Variants in HS6ST2 observed in about 807,000 individuals in gnomAD.
HS6ST2 encodes heparan-sulfate 6-O-sulfotransferase 2.
HS6ST2 carries 17 observed loss-of-function variants against 33.0 expected under a neutral mutation model. The observed-to-expected ratio is 0.52, with a 90% CI of 0.35 to 0.77. The LOEUF is 0.77. Among genes scored for constraint, HS6ST2 ranks in the 30% least tolerant of loss-of-function variants. HS6ST2 has a pLI of 0.01. For synonymous variants in HS6ST2, 248 were observed against 237.1 expected, an observed-to-expected ratio of 1.05 and a Z score of -0.42; for missense variants, 519 against 551.7, an observed-to-expected ratio of 0.94 and a Z score of 0.59.
chrX:132,698,212 C>T (rs1569481854), intron 3 of HS6ST2, among the ~76,000 whole-genome samples: 1 of 112,035 alleles, frequency 8.9e-6, no homozygotes, highest in Admixed American at 9.5e-5. Flanking sequence ...TACAAAATAG[C>T]ATAAATGAAA....
rs1201557146 is a variant in HS6ST2 at position 132,627,903 on chromosome X, T to TG, written c.*319dup. 5.0e-5 allele frequency: 8 copies of TG among 159,531 alleles called. No homozygotes were observed. The highest frequency in any genetic ancestry group is 8.4e-5 in the Non-Finnish European group (7 of 83,374). 13.1% of individuals were successfully genotyped at this position (159,531 alleles called of 1,213,427 possible). A position where few individuals can be genotyped will look rare whatever the true frequency, so the allele number is the denominator to read the frequency against. ...CCATAAGTTAAATGGTCACATTTTA[T>TG]GTTTTCACTTTGTCTCCATAACTAA... On this transcript the variant is annotated 3_prime_UTR_variant, in exon 5 of 5. Coordinates refer to ENST00000370833, the MANE Select transcript of HS6ST2 (RefSeq NM_001394073.1).
intron 4 of HS6ST2, among the ~76,000 whole-genome samples, chrX:132,655,419 A>C (rs1412035198): frequency 8.9e-6 from 1 of 112,035 alleles, no homozygotes; most frequent in African/African-American, 3.2e-5. Flanking sequence ...CTCAGTGAAC[A>C]TTCAAGGAAT....
intron 4 of HS6ST2, among the ~76,000 whole-genome samples, chrX:132,648,562 G>T (rs2063665081): frequency 9.3e-6 from 1 of 107,343 alleles, no homozygotes; most frequent in African/African-American, 3.4e-5. Context: ...AAAAAGGTTG[G>T]GTGTAAAAAT....
At chrX:132,921,253 C>T (rs1241175709) in intron 2 of HS6ST2, among the ~76,000 whole-genome samples, 2 of 111,927 alleles carry the variant, frequency 1.8e-5, no homozygotes, top group Non-Finnish European at 3.8e-5. Flanking sequence ...CAGCATCAGC[C>T]TCACCTGGGA....
At chrX:132,783,129 G>T (rs1437324564) in intron 2 of HS6ST2, among the ~76,000 whole-genome samples, 2 of 111,770 alleles carry the variant, frequency 1.8e-5, no homozygotes, top group Non-Finnish European at 3.8e-5. Context: ...TCATGTCAGT[G>T]ACCTGGGCCT....
chrX:132,659,635 C>G (rs191382750), intron 4 of HS6ST2, among the ~76,000 whole-genome samples: 55 of 111,783 alleles, frequency 4.9e-4, no homozygotes, highest in Non-Finnish European at 3.8e-5. Context: ...AAAGTCTAGT[C>G]TAATATAGTC....
At chrX:132,693,808 T>C (rs1479453988) in intron 3 of HS6ST2, among the ~76,000 whole-genome samples, 1 of 111,065 alleles carries the variant, frequency 9.0e-6, no homozygotes, top group African/African-American at 3.3e-5. Flanking sequence ...CAAGCAGAGA[T>C]TGAACTTTCT....
At chrX:132,632,488 G>A (rs1408806497) in intron 4 of HS6ST2, among the ~76,000 whole-genome samples, 2 of 110,411 alleles carry the variant, frequency 1.8e-5, no homozygotes, top group Non-Finnish European at 3.8e-5. Flanking sequence ...AAGCACGCTG[G>A]GGAATGCAGC....
intron 4 of HS6ST2, among the ~76,000 whole-genome samples, chrX:132,658,819 TC>T (rs1469191667): frequency 8.9e-6 from 1 of 112,310 alleles, no homozygotes; most frequent in Non-Finnish European, 1.9e-5. Context: ...CAGACTTGCC[TC>T]CCTTCTTCCT....
intron 4 of HS6ST2, among the ~76,000 whole-genome samples, chrX:132,634,334 C>T (rs931119377): frequency 1.8e-5 from 2 of 111,921 alleles, no homozygotes; most frequent in Non-Finnish European, 3.8e-5. Flanking sequence ...CTGAATGAGG[C>T]CAGTTCAGCC....
At chrX:132,843,836 G>A (rs1401594025) in intron 2 of HS6ST2, among the ~76,000 whole-genome samples, 3 of 111,623 alleles carry the variant, frequency 2.7e-5, no homozygotes, top group Non-Finnish European at 5.6e-5. Flanking sequence ...AGTTTGGAAA[G>A]GCTCTTTTCC....
chrX:132,933,532 GAGAA>G (rs1371502809), intron 2 of HS6ST2, among the ~76,000 whole-genome samples: 1 of 110,608 alleles, frequency 9.0e-6, no homozygotes, highest in East Asian at 2.9e-4. Context: ...GTACCAGAAA[GAGAA>G]AGAAACAGAA....
chrX:132,944,896 A>C (rs1406861378), intron 2 of HS6ST2, among the ~76,000 whole-genome samples: 1 of 111,892 alleles, frequency 8.9e-6, no homozygotes, highest in Non-Finnish European at 1.9e-5. Flanking sequence ...AAAACCATAA[A>C]AACCCTAGAA....
At chrX:132,744,408 G>A (rs1165375428) in intron 2 of HS6ST2, among the ~76,000 whole-genome samples, 5 of 111,698 alleles carry the variant, frequency 4.5e-5, no homozygotes. Flanking sequence ...ACAGTATGAT[G>A]AGGAAGAAGA....
At chrX:132,939,593 C>T (rs1461871667) in intron 2 of HS6ST2, among the ~76,000 whole-genome samples, 1 of 111,276 alleles carries the variant, frequency 9.0e-6, no homozygotes, top group Non-Finnish European at 1.9e-5. Flanking sequence ...CCACCGCACT[C>T]CAGCCTGGCC....
At chrX:132,765,198 A>C (rs2064835548) in intron 2 of HS6ST2, among the ~76,000 whole-genome samples, 1 of 112,314 alleles carries the variant, frequency 8.9e-6, no homozygotes, top group African/African-American at 3.2e-5. Context: ...TTGCAGAACA[A>C]AATGCCTTCT....
intron 2 of HS6ST2, among the ~76,000 whole-genome samples, chrX:132,871,852 C>T (rs1404120653): frequency 9.0e-6 from 1 of 111,015 alleles, no homozygotes; most frequent in Non-Finnish European, 1.9e-5. Context: ...ATAAGTGCAG[C>T]AAACCACCAT....
chrX:132,954,218 T>C (rs1009636335), intron 2 of HS6ST2, among the ~76,000 whole-genome samples: 4 of 111,914 alleles, frequency 3.6e-5, no homozygotes, highest in African/African-American at 1.3e-4. Context: ...GGTTAGTGGC[T>C]GGCCTAGAAC....
chrX:132,739,924 CAG>C (rs1019524328), intron 2 of HS6ST2, among the ~76,000 whole-genome samples: 1 of 111,400 alleles, frequency 9.0e-6, no homozygotes, highest in Non-Finnish European at 1.9e-5. Flanking sequence ...TTTAGACATT[CAG>C]AGTCTTGTTT....
Sources: allele counts gnomAD v4.1 joint callset (sites outside exome capture counted in the v4.1 genomes callset), GRCh38; gene constraint gnomAD v4.1.1; transcripts MANE v1.5; gene names NCBI Gene and HGNC (gene_info 2026-07-23, HGNC 2026-07-21).